The following BICRAL variants were observed in gnomAD, a reference collection of about 807,000 sequenced individuals.
BICRAL encodes the protein BICRA like chromatin remodeling complex associated protein, also known as BRD4-interacting chromatin-remodeling complex-associated protein-like.
A neutral mutation model predicts 91.8 loss-of-function variants in BICRAL; 8 were observed. The ratio of observed to expected loss-of-function variants is 0.09; its 90% confidence interval spans 0.05 to 0.16. The LOEUF (loss-of-function observed/expected upper bound fraction) is 0.16. Among genes scored for constraint, BICRAL ranks in the 10% least tolerant of loss-of-function variants. The pLI, the probability that BICRAL is intolerant of heterozygous loss-of-function variation, is 1.00. For synonymous variants in BICRAL, 445 were observed against 491.1 expected, an observed-to-expected ratio of 0.91 and a Z score of 1.24; for missense variants, 1,038 against 1,310.9, an observed-to-expected ratio of 0.79 and a Z score of 3.21.
At chr6:42,863,149 C>T (rs901497498) in intron 12 of BICRAL, among the ~76,000 whole-genome samples, 1 of 151,136 alleles carries the variant, frequency 6.6e-6, no homozygotes, top group African/African-American at 2.4e-5. Flanking sequence ...CCCGAGTTCA[C>T]GCCATTCTCC....
chr6:42,793,205 G>A (rs549549103), intron 1 of BICRAL, among the ~76,000 whole-genome samples: 4 of 113,806 alleles, frequency 3.5e-5, no homozygotes, highest in East Asian at 2.8e-4. Flanking sequence ...GTGCATTGGC[G>A]TGATCTCAGC....
chr6:42,758,415 C>T (rs1762492462), intron 1 of BICRAL, among the ~76,000 whole-genome samples: 4 of 152,176 alleles, frequency 2.6e-5, no homozygotes, highest in African/African-American at 9.7e-5. Flanking sequence ...CTACTCCAGC[C>T]ACACCAAGGT....
intron 1 of BICRAL, among the ~76,000 whole-genome samples, chr6:42,749,645 C>T (rs1762343742): frequency 6.6e-6 from 1 of 151,980 alleles, no homozygotes; most frequent in Non-Finnish European, 1.5e-5. Flanking sequence ...ATCACATGTA[C>T]CTCATAAATA....
chr6:42,747,971 A>C (rs1762311065), intron 1 of BICRAL, among the ~76,000 whole-genome samples: 1 of 151,486 alleles, frequency 6.6e-6, no homozygotes, highest in Non-Finnish European at 1.5e-5. Flanking sequence ...TGTCCGGCTA[A>C]TTTTGTATTT....
rs558947522 is a variant in BICRAL at position 42,765,919 on chromosome 6, ATATTG to A, written c.-260-15916_-260-15912del. Among the ~76,000 whole-genome samples, 13 of 152,194 alleles carry A rather than the reference ATATTG, an allele frequency of 8.5e-5. No individual in the cohort carries two copies. The South Asian group carries it at 2.7e-3, about 32-fold the overall frequency. The stretch of plus-strand genomic sequence containing the variant: ...AAATCGTTTAAAAAGAGGAAAAACT[ATATTG>A]TATATGTGGGGATTTGTTTGTTTGC... On this transcript the variant is annotated intron_variant, in intron 1 of 14. Coordinates refer to the BICRAL transcript ENST00000614467.
intron 1 of BICRAL, among the ~76,000 whole-genome samples, chr6:42,793,762 CTTTTTTTT>C (rs70990140): frequency 1.0e-5 from 1 of 99,242 alleles, no homozygotes; most frequent in Admixed American, 1.2e-4. Context: ...CTCAAGATGA[CTTTTTTTT>C]TTTTTTTTTT....
intron 1 of BICRAL, among the ~76,000 whole-genome samples, chr6:42,806,754 A>G (rs1763719288): frequency 1.3e-5 from 2 of 151,852 alleles, no homozygotes. Flanking sequence ...AACTCAAGCG[A>G]TCTGCTCACC....
At chr6:42,826,590 G>A (rs1764310250) in intron 5 of BICRAL, among the ~76,000 whole-genome samples, 1 of 151,974 alleles carries the variant, frequency 6.6e-6, no homozygotes, top group African/African-American at 2.4e-5. Context: ...TGGGGGATTG[G>A]AGTGTCCTGC....
intron 1 of BICRAL, among the ~76,000 whole-genome samples, chr6:42,763,133 A>G (rs1192437094): frequency 6.6e-6 from 1 of 152,148 alleles, no homozygotes; most frequent in Non-Finnish European, 1.5e-5. Context: ...AGATAACCCA[A>G]TAACCTGAAT....
chr6:42,826,782 CTTGT>C (rs1031817661), intron 5 of BICRAL, among the ~76,000 whole-genome samples: 3 of 150,286 alleles, frequency 2.0e-5, no homozygotes, highest in Admixed American at 6.6e-5. Context: ...TCAATTTCCT[CTTGT>C]TTGTTTGTTT....
At chr6:42,797,463 A>T (rs1284232506) in intron 1 of BICRAL, among the ~76,000 whole-genome samples, 1 of 152,218 alleles carries the variant, frequency 6.6e-6, no homozygotes, top group Non-Finnish European at 1.5e-5. Flanking sequence ...AGTCAATAAC[A>T]GCTTTGGAAT....
chr6:42,779,447 A>C (rs1324465595), upstream of BICRAL, among the ~76,000 whole-genome samples: 1 of 152,174 alleles, frequency 6.6e-6, no homozygotes, highest in African/African-American at 2.4e-5. Flanking sequence ...AGCCAATTAG[A>C]AAACTGGTTG....
chr6:42,751,264 G>A (rs766353448), intron 1 of BICRAL, among the ~76,000 whole-genome samples: 8 of 151,882 alleles, frequency 5.3e-5, no homozygotes, highest in African/African-American at 7.3e-5. Flanking sequence ...GGGAGGACCC[G>A]TGTCCTGGGT....
intron 1 of BICRAL, among the ~76,000 whole-genome samples, chr6:42,793,146 TTTTTTTTTTTTTTTTG>T: frequency 9.4e-6 from 1 of 106,096 alleles, no homozygotes; most frequent in Non-Finnish European, 2.0e-5. Context: ...TTTTTTTTTT[TTTTTTTTTTTTTTTTG>T]AGACAGAGTC....
At chr6:42,827,607 C>T (rs972426392) in intron 5 of BICRAL, among the ~76,000 whole-genome samples, 2 of 152,192 alleles carry the variant, frequency 1.3e-5, no homozygotes, top group Non-Finnish European at 2.9e-5. Flanking sequence ...AGGCTGGGGA[C>T]GGTGCCTCAC....
In BICRAL at chr6:42,830,590, C is replaced by G. The variant is rs142185599; in HGVS notation, c.1839+418C>G. Among the ~76,000 whole-genome samples, 638 of 151,784 alleles carry G rather than the reference C, an allele frequency of 4.2e-3. 5 individuals carry two copies. Among genetic ancestry groups the G allele is most frequent in the African/African-American group, 0.015 (606 of 41,384 alleles). ...AAAAAATTTTTTTTTACACTTATGACTGGTTATCTTTTTTCTTGATTTTCT... is the reference window on the plus strand; with the variant it reads ...AAAAAATTTTTTTTTACACTTATGAGTGGTTATCTTTTTTCTTGATTTTCT... On this transcript the variant is annotated intron_variant, in intron 6 of 12. Coordinates refer to ENST00000314073, the MANE Select transcript of BICRAL (RefSeq NM_001393499.1).
rs748804344 is a variant in BICRAL, at chr6:42,845,195, G to GTTTTTTTTTTTTTTTTTT, written c.1840-6861_1840-6844dup. Among the ~76,000 whole-genome samples the GTTTTTTTTTTTTTTTTTT allele has an allele frequency of 7.8e-5, 2 of 25,568 alleles. 1 individual carries two copies. The highest frequency in any genetic ancestry group is 1.7e-4 in the Non-Finnish European group (2 of 11,780). The allele number at this position is 25,568 out of a possible 152,430, so 16.8% of individuals were successfully genotyped here. ...CTTCTCTGTTTTTTGTTTTTTGGGT[G>GTTTTTTTTTTTTTTTTTT]TTTTTTTTTTTTTTTTTTTTTTTTT... is the stretch of plus-strand genomic sequence containing the variant. On this transcript the variant is annotated intron_variant, in intron 6 of 12. Coordinates refer to ENST00000314073, the MANE Select transcript of BICRAL (RefSeq NM_001393499.1).
Position 42,853,665 on chromosome 6 carries a change from C to T in BICRAL, c.1973C>T (p.Ser658Phe), listed in dbSNP as rs768817991. 2 of 1,613,702 alleles carry T rather than the reference C, an allele frequency of 1.2e-6. No individual in the cohort carries two copies. The highest frequency in any genetic ancestry group is 1.7e-6 in the Non-Finnish European group (2 of 1,179,698). Reference sequence around the variant, plus strand: ...CAGGATTCTGGAAGCAAAGTTATATCCGCATCCTTAGGAACCGCACAACCA... The same window carrying T: ...CAGGATTCTGGAAGCAAAGTTATATTCGCATCCTTAGGAACCGCACAACCA... Reference protein sequence around the residue: ...PGQDSGSKVISASLGTAQPQQ... With the variant: ...PGQDSGSKVIFASLGTAQPQQ... The change falls in exon 8 of 13, where the codon TCC (serine) becomes TTC (phenylalanine). Residue 658 changes from serine (S) to phenylalanine (F), a missense_variant. Around this residue, in one of 5 missense-constraint regions of BICRAL, gnomAD observed 532 missense variants for 724.9 expected, o/e 0.73. Transcript: ENST00000314073.
chr6:42,821,339 CGGG>C (rs1764131051), intron 2 of BICRAL: 3 of 152,304 alleles, frequency 2.0e-5, no homozygotes. Flanking sequence ...AGAGGGATCT[CGGG>C]GCCTGGAGCT....
Sources: gnomAD v4.1 joint callset for allele counts (sites outside exome capture counted in the v4.1 genomes callset) on GRCh38, gnomAD v4.1.1 for gene constraint, gnomAD v4.1.1 regional missense constraint, MANE v1.5 for transcripts, NCBI Gene and HGNC (gene_info 2026-07-23, HGNC 2026-07-21) for gene names.